The following DCC variants were observed in gnomAD, a reference collection of about 807,000 sequenced individuals.
DCC encodes DCC netrin 1 receptor, also known as netrin receptor DCC.
In DCC, 58 loss-of-function variants were observed where a neutral mutation model predicts 172.5. That is an observed-to-expected ratio of 0.34 (90% CI 0.27 to 0.42). The LOEUF is 0.42. DCC is among the 10% of genes least tolerant of loss of function. DCC has a pLI of 1.00. For missense variants in DCC, 1,740 were observed against 1,791.0 expected (o/e 0.97, Z 0.51); for synonymous variants, 709 against 644.5 (o/e 1.10, Z -1.52).
At chr18:52,669,748 A>G (rs1225192475) in intron 1 of DCC, among the ~76,000 whole-genome samples, 1 of 152,224 alleles carries the variant, frequency 6.6e-6, no homozygotes, top group Non-Finnish European at 1.5e-5. Context: ...AAAACATCAT[A>G]AAACCCCACC....
intron 1 of DCC, among the ~76,000 whole-genome samples, chr18:52,361,218 A>G (rs1984604378): frequency 6.6e-6 from 1 of 152,202 alleles, no homozygotes; most frequent in African/African-American, 2.4e-5. Context: ...TAAATGTGTG[A>G]GTTTGAGAAG....
intron 1 of DCC, among the ~76,000 whole-genome samples, chr18:52,363,273 A>G (rs1458311634): frequency 6.6e-6 from 1 of 152,230 alleles, no homozygotes; most frequent in Non-Finnish European, 1.5e-5. Flanking sequence ...TTCAGCTCAG[A>G]CTAATTAATG....
At position 53,134,849 on chromosome 18, in the gene DCC, G is replaced by A. The variant is rs142782394; in HGVS notation, c.1262-22507G>A. On this transcript the variant is annotated intron_variant, in intron 7 of 28. Transcript: ENST00000442544. ...GTGACAGTCTTCACCATCAAATGCA[G>A]TTGACGTTTGCAAATGACAGGAGAC... Among the ~76,000 whole-genome samples the A allele has an allele frequency of 6.4e-3, 972 of 152,256 alleles. 4 individuals carry two copies. The highest frequency in any genetic ancestry group is 1.0e-2 in the Non-Finnish European group (677 of 68,010).
chr18:53,332,138 T>G (rs2057535453), intron 14 of DCC, among the ~76,000 whole-genome samples: 2 of 152,272 alleles, frequency 1.3e-5, no homozygotes, highest in South Asian at 4.1e-4. Flanking sequence ...GAGACACATA[T>G]TTTCAGAATT....
At chr18:52,869,878 TA>T (rs771845320) in intron 2 of DCC, among the ~76,000 whole-genome samples, 3 of 151,732 alleles carry the variant, frequency 2.0e-5, no homozygotes, top group Non-Finnish European at 4.4e-5. Flanking sequence ...GCCTGGGGGG[TA>T]AAGGCGGCCT....
intron 15 of DCC, among the ~76,000 whole-genome samples, chr18:53,371,552 T>C (rs2058060210): frequency 6.6e-6 from 1 of 151,908 alleles, no homozygotes; most frequent in Non-Finnish European, 1.5e-5. Flanking sequence ...TCTTGCAGGT[T>C]TTTAAAAGAC....
intron 5 of DCC, among the ~76,000 whole-genome samples, chr18:52,930,198 G>A (rs1196660603): frequency 6.6e-6 from 1 of 151,924 alleles, no homozygotes; most frequent in Non-Finnish European, 1.5e-5. Flanking sequence ...CTCCTGGGCT[G>A]AAGTGATCCT....
intron 15 of DCC, among the ~76,000 whole-genome samples, chr18:53,364,819 A>C (rs147026817): frequency 0.011 from 1,602 of 152,258 alleles, 14 homozygotes; most frequent in Non-Finnish European, 0.016. Flanking sequence ...AAGGTGTCCT[A>C]ACCATCCCAC....
intron 5 of DCC, among the ~76,000 whole-genome samples, chr18:53,060,325 AC>A (rs1292042362): frequency 6.6e-6 from 1 of 152,096 alleles, no homozygotes; most frequent in East Asian, 1.9e-4. Context: ...ACCTGGTTAG[AC>A]TTAGACTCAT....
intron 8 of DCC, among the ~76,000 whole-genome samples, chr18:53,173,499 T>G (rs1278701587): frequency 6.6e-6 from 1 of 151,844 alleles, no homozygotes; most frequent in African/African-American, 2.4e-5. Context: ...TTGTCTCCAG[T>G]TAAAATTAAA....
intron 1 of DCC, among the ~76,000 whole-genome samples, chr18:52,582,310 TC>T (rs2033567720): frequency 6.6e-6 from 1 of 152,186 alleles, no homozygotes; most frequent in Non-Finnish European, 1.5e-5. Context: ...ACCTCTGATT[TC>T]CCCTTTAATA....
chr18:52,603,041 A>G (rs2034050924), intron 1 of DCC, among the ~76,000 whole-genome samples: 1 of 152,108 alleles, frequency 6.6e-6, no homozygotes, highest in Non-Finnish European at 1.5e-5. Flanking sequence ...GGATGAGTCA[A>G]AACACAGTGC....
In DCC at chr18:52,510,338, C is replaced by T. The variant is rs577677266; in HGVS notation, c.91+169460C>T. ...GCCTTGCTTCTCTGCATTCCAGCTG[C>T]GGGCTCAGGTCTTTATAGACATCAG... On this transcript the variant is annotated intron_variant, in intron 1 of 28. Transcript: ENST00000442544. Among the ~76,000 whole-genome samples the T allele has an allele frequency of 7.2e-5, 11 of 152,256 alleles. No individual in the cohort carries two copies. In the South Asian group the frequency reaches 1.7e-3, roughly 23 times the overall value.
Position 52,925,289 on chromosome 18 carries a change from G to C in DCC, c.904G>C (p.Asp302His). 2 of 1,612,204 alleles carry C rather than the reference G, an allele frequency of 1.2e-6. No homozygotes were observed. The highest frequency in any genetic ancestry group is 1.7e-6 in the Non-Finnish European group (2 of 1,178,482). The change falls in exon 5 of 29, where the codon GAT (aspartate) becomes CAT (histidine). Residue 302 changes from aspartate (D) to histidine (H), a missense_variant. By Grantham distance (81) the Asp-to-His change is moderately conservative (BLOSUM62 -1). Around this residue, in one of 2 missense-constraint regions of DCC, gnomAD observed 1,732 missense variants for 1,767.4 expected, o/e 0.98. Transcript: ENST00000442544. ...CAACTTGCTTATCTCCAATGTGACA[G>C]ATGATGACAGTGGAATGTATACCTG... ...GSNLLISNVT[D>H]DDSGMYTCVV...
At chr18:53,205,786 C>T (rs1341617485) in intron 10 of DCC, among the ~76,000 whole-genome samples, 1 of 152,088 alleles carries the variant, frequency 6.6e-6, no homozygotes. Context: ...TAACTCCCTT[C>T]CATCATCAGG....
chr18:52,696,320 C>A lies in DCC; in HGVS notation c.92-55734C>A, dbSNP rs371997919. 9.2e-5 allele frequency among the ~76,000 whole-genome samples: 14 copies of A among 152,284 alleles called. No individual in the cohort carries two copies. In the South Asian group the frequency reaches 1.7e-3, roughly 18 times the overall value. ...TAAATATGAACTTTCCCTCTTCCTT[C>A]ATTTCTCCATTTCAACCAAAAACTG... On this transcript the variant is annotated intron_variant, in intron 1 of 28. Transcript: ENST00000442544.
intron 9 of DCC, among the ~76,000 whole-genome samples, chr18:53,189,191 ATATATGTG>A (rs1226967153): frequency 6.6e-6 from 1 of 152,022 alleles, no homozygotes; most frequent in African/African-American, 2.4e-5. Context: ...GTGTGTGTGT[ATATATGTG>A]TATATGTGTA....
intron 15 of DCC, among the ~76,000 whole-genome samples, chr18:53,382,100 ACACACC>A (rs879893148): frequency 0.42 from 63,669 of 150,658 alleles, 15,092 homozygotes; most frequent in Non-Finnish European, 0.55. Flanking sequence ...ACACACACAC[ACACACC>A]CCTACCTCCT....
At chr18:52,736,761 T>C (rs959649054) in intron 1 of DCC, among the ~76,000 whole-genome samples, 1 of 152,176 alleles carries the variant, frequency 6.6e-6, no homozygotes, top group African/African-American at 2.4e-5. Context: ...TCCTATGACA[T>C]TGACGTAATA....
Sources: allele counts gnomAD v4.1 joint callset (sites outside exome capture counted in the v4.1 genomes callset), GRCh38; gene constraint gnomAD v4.1.1; regional missense constraint gnomAD v4.1.1; transcripts MANE v1.5; gene names NCBI Gene and HGNC (gene_info 2026-07-23, HGNC 2026-07-21).